The following GPR158 variants were observed in gnomAD, a reference collection of about 807,000 sequenced individuals.
The protein encoded by GPR158 is metabotropic glycine receptor.
In GPR158, 30 loss-of-function variants were observed where a neutral mutation model predicts 78.2. That is an observed-to-expected ratio of 0.38 (90% confidence interval 0.29 to 0.52). GPR158 has a LOEUF of 0.52. Ranked by LOEUF, GPR158 falls within the 20% of genes least tolerant of loss-of-function variation. The pLI is 0.83. For synonymous variants in GPR158, 581 were observed against 591.1 expected, an observed-to-expected ratio of 0.98 and a Z score of 0.25; for missense variants, 1,463 against 1,523.5, an observed-to-expected ratio of 0.96 and a Z score of 0.66.
chr10:25,571,125 A>G (rs1837000856), intron 6 of GPR158, among the ~76,000 whole-genome samples: 1 of 150,936 alleles, frequency 6.6e-6, no homozygotes, highest in Non-Finnish European at 1.5e-5. Flanking sequence ...GTTAGCGTTC[A>G]CTATGACATG....
intron 2 of GPR158, among the ~76,000 whole-genome samples, chr10:25,329,429 GA>G (rs1855087082): frequency 6.7e-6 from 1 of 148,436 alleles, no homozygotes; most frequent in African/African-American, 2.5e-5. Flanking sequence ...AACAGAGTGA[GA>G]CTCCGTTTCA....
At chr10:25,185,802 G>T (rs143919825) in intron 1 of GPR158, among the ~76,000 whole-genome samples, 1 of 151,384 alleles carries the variant, frequency 6.6e-6, no homozygotes, top group Non-Finnish European at 1.5e-5. Flanking sequence ...CAGCCTGGGC[G>T]ACAGAGAAAA....
intron 5 of GPR158, among the ~76,000 whole-genome samples, chr10:25,505,438 A>G (rs1369774922): frequency 1.3e-5 from 2 of 152,214 alleles, no homozygotes; most frequent in East Asian, 3.8e-4. Context: ...CGGTGTCTGC[A>G]TCTTCTAGAT....
intron 1 of GPR158, among the ~76,000 whole-genome samples, chr10:25,192,976 G>T (rs897334521): frequency 6.6e-6 from 1 of 152,144 alleles, no homozygotes; most frequent in Non-Finnish European, 1.5e-5. Context: ...TGGTAGGCTA[G>T]GTTAAAGCAA....
At chr10:25,183,460 A>G (rs563557635) in intron 1 of GPR158, among the ~76,000 whole-genome samples, 2 of 152,320 alleles carry the variant, frequency 1.3e-5, no homozygotes, top group East Asian at 3.9e-4. Flanking sequence ...TAGCTTAAAT[A>G]TAATCTGATC....
chr10:25,529,591 T>G (rs1392855850), intron 5 of GPR158, among the ~76,000 whole-genome samples: 3 of 152,106 alleles, frequency 2.0e-5, no homozygotes, highest in Non-Finnish European at 4.4e-5. Flanking sequence ...TACTCTCAGA[T>G]ACAAGTACAA....
At chr10:25,552,488 T>G (rs183500005) in intron 6 of GPR158, among the ~76,000 whole-genome samples, 3 of 152,142 alleles carry the variant, frequency 2.0e-5, no homozygotes, top group African/African-American at 7.2e-5. Context: ...CCTGTTAGTC[T>G]AGCATTTAGT....
intron 2 of GPR158, among the ~76,000 whole-genome samples, chr10:25,321,743 G>A (rs1041883022): frequency 1.3e-5 from 2 of 151,870 alleles, no homozygotes; most frequent in Non-Finnish European, 2.9e-5. Context: ...TTTTCATTGA[G>A]CCTGCCTAGA....
At chr10:25,302,345 A>G (rs188008497) in intron 2 of GPR158, among the ~76,000 whole-genome samples, 17 of 151,792 alleles carry the variant, frequency 1.1e-4, no homozygotes, top group Non-Finnish European at 5.9e-5. Flanking sequence ...TGGCTTCCCA[A>G]AGCGCTGGGA....
intron 5 of GPR158, among the ~76,000 whole-genome samples, chr10:25,492,378 T>G (rs1835822238): frequency 6.6e-6 from 1 of 152,016 alleles, no homozygotes; most frequent in South Asian, 2.1e-4. Flanking sequence ...CCCCACCATC[T>G]CTAGCTTCTT....
intron 2 of GPR158, 102 bp from the exon 3 acceptor site, chr10:25,395,809 G>T: frequency 1.9e-6 from 1 of 537,224 alleles, no homozygotes. Flanking sequence ...TCTGGAAAAT[G>T]TGTTAGTTTT....
chr10:25,292,086 A>G (rs1340733058), intron 2 of GPR158, among the ~76,000 whole-genome samples: 2 of 152,034 alleles, frequency 1.3e-5, no homozygotes, highest in Non-Finnish European at 2.9e-5. Flanking sequence ...CCACACACAT[A>G]TACATACATG....
chr10:25,290,895 G>A (rs1489637532), intron 2 of GPR158, among the ~76,000 whole-genome samples: 4 of 151,398 alleles, frequency 2.6e-5, no homozygotes, highest in African/African-American at 7.3e-5. Context: ...GGGCCCTAAA[G>A]TACTGTACAT....
chr10:25,576,805 G>GAA (rs1837103920), intron 7 of GPR158, among the ~76,000 whole-genome samples: 1 of 152,064 alleles, frequency 6.6e-6, no homozygotes, highest in Non-Finnish European at 1.5e-5. Context: ...AATAACATTA[G>GAA]GGTCTCTTAG....
At chr10:25,322,985 T>A (rs977995952) in intron 2 of GPR158, among the ~76,000 whole-genome samples, 2 of 152,212 alleles carry the variant, frequency 1.3e-5, no homozygotes, top group Non-Finnish European at 2.9e-5. Context: ...TAGCTGGGAC[T>A]ACAGATGCCC....
intron 5 of GPR158, among the ~76,000 whole-genome samples, chr10:25,507,458 C>T (rs933792908): frequency 6.6e-6 from 1 of 152,016 alleles, no homozygotes; most frequent in Admixed American, 6.6e-5. Context: ...ATTGGGAGCC[C>T]AAATGTATAT....
chr10:25,180,652 A>T (rs1852600782), intron 1 of GPR158, among the ~76,000 whole-genome samples: 1 of 152,200 alleles, frequency 6.6e-6, no homozygotes, highest in Non-Finnish European at 1.5e-5. Flanking sequence ...TGGCTGTAAT[A>T]CCTGTCTGGA....
intron 5 of GPR158, among the ~76,000 whole-genome samples, chr10:25,484,632 A>G (rs548737078): frequency 4.3e-4 from 66 of 152,210 alleles, no homozygotes; most frequent in Non-Finnish European, 6.2e-4. Context: ...CAGCAATGTC[A>G]TAGCTGGAGT....
chr10:25,198,035 C>T (rs751905098), intron 1 of GPR158, among the ~76,000 whole-genome samples: 1 of 152,090 alleles, frequency 6.6e-6, no homozygotes, highest in Non-Finnish European at 1.5e-5. Context: ...CAAAAAACAG[C>T]AGACTCAAGA....
Sources: gnomAD v4.1 joint callset for allele counts (sites outside exome capture counted in the v4.1 genomes callset) on GRCh38, gnomAD v4.1.1 for gene constraint, MANE v1.5 for transcripts, NCBI Gene and HGNC (gene_info 2026-07-23, HGNC 2026-07-21) for gene names.